ANO4: variants seen among roughly 807,000 people sequenced by gnomAD.
ANO4 encodes the protein anoctamin 4.
Under a neutral mutation model 141.9 loss-of-function variants are expected in ANO4, and 69 were observed. The ratio of observed to expected loss-of-function variants is 0.49; its 90% confidence interval spans 0.40 to 0.59. ANO4 has a LOEUF of 0.59. Among genes scored for constraint, ANO4 ranks in the 20% least tolerant of loss-of-function variants. The probability of loss-of-function intolerance (pLI) is 0.00; values close to 1 mark genes in which losing one functional copy is unlikely to be tolerated. For synonymous variants in ANO4, 350 were observed against 394.3 expected, an observed-to-expected ratio of 0.89 and a Z score of 1.33; for missense variants, 894 against 1,162.2, an observed-to-expected ratio of 0.77 and a Z score of 3.36.
At chr12:100,883,214 T>C (rs190566321) in intron 1 of ANO4, among the ~76,000 whole-genome samples, 1 of 152,352 alleles carries the variant, frequency 6.6e-6, no homozygotes, top group East Asian at 1.9e-4. Flanking sequence ...GAGAGTTTAC[T>C]TCAGTAGCTC....
At chr12:100,731,464 C>T (rs1360688546) in intron 1 of ANO4, among the ~76,000 whole-genome samples, 2 of 152,214 alleles carry the variant, frequency 1.3e-5, no homozygotes, top group Non-Finnish European at 2.9e-5. Flanking sequence ...ATATCTCCCA[C>T]TGGAGTGGTG....
intron 1 of ANO4, among the ~76,000 whole-genome samples, chr12:100,815,787 A>G (rs995068167): frequency 3.3e-5 from 5 of 151,900 alleles, no homozygotes; most frequent in African/African-American, 4.8e-5. Context: ...GTGTGAATTT[A>G]TGCATATGTA....
intron 6 of ANO4, 96 bp from the exon 7 acceptor site, chr12:100,974,749 C>G: frequency 7.6e-7 from 1 of 1,318,348 alleles, no homozygotes; most frequent in Non-Finnish European, 1.1e-6. Flanking sequence ...CTCTTACAGG[C>G]TTCTATCTTC....
intron 2 of ANO4, 150 bp from the exon 3 acceptor site, chr12:100,922,076 T>C: frequency 2.1e-6 from 1 of 480,958 alleles, no homozygotes; most frequent in Non-Finnish European, 3.5e-6. Context: ...CCTTTTTTTT[T>C]TTTTCTTAAG....
chr12:100,846,962 A>T (rs892765762), intron 1 of ANO4, among the ~76,000 whole-genome samples: 2 of 150,628 alleles, frequency 1.3e-5, no homozygotes, highest in African/African-American at 4.9e-5. Flanking sequence ...CCCAACTTCT[A>T]CTTAATTTTT....
chr12:101,100,462 T>C (rs2050147204), intron 22 of ANO4, among the ~76,000 whole-genome samples: 1 of 152,284 alleles, frequency 6.6e-6, no homozygotes, highest in Admixed American at 6.5e-5. Flanking sequence ...TATCTACTTA[T>C]GTCTTTAGAG....
intron 1 of ANO4, among the ~76,000 whole-genome samples, chr12:100,825,312 G>T (rs948158457): frequency 2.0e-5 from 3 of 151,982 alleles, no homozygotes; most frequent in Admixed American, 6.6e-5. Context: ...TTGAGGGACT[G>T]CTCTGGGCCT....
At chr12:100,729,830 A>G (rs1165594324) in intron 1 of ANO4, among the ~76,000 whole-genome samples, 1 of 152,196 alleles carries the variant, frequency 6.6e-6, no homozygotes. Flanking sequence ...AGTCTTTTCA[A>G]AATACTGCCA....
chr12:100,820,270 C>T (rs766367204), intron 1 of ANO4, among the ~76,000 whole-genome samples: 7 of 151,102 alleles, frequency 4.6e-5, no homozygotes, highest in Non-Finnish European at 8.8e-5. Context: ...CATTTTATTA[C>T]CAAGTAAACT....
intron 1 of ANO4, among the ~76,000 whole-genome samples, chr12:100,877,852 G>A (rs1453786921): frequency 2.6e-5 from 4 of 152,104 alleles, no homozygotes; most frequent in Non-Finnish European, 1.5e-5. Context: ...GCTAGTAATG[G>A]ACAGAGTTTG....
At chr12:100,946,939 A>G (rs909805093) in intron 5 of ANO4, among the ~76,000 whole-genome samples, 2 of 152,204 alleles carry the variant, frequency 1.3e-5, no homozygotes, top group African/African-American at 2.4e-5. Flanking sequence ...GGTGTGTACG[A>G]TCAAAGCTGA....
intron 1 of ANO4, among the ~76,000 whole-genome samples, chr12:100,861,471 A>G (rs532340879): frequency 3.9e-5 from 6 of 152,342 alleles, no homozygotes; most frequent in African/African-American, 1.4e-4. Flanking sequence ...GTACAGTAAA[A>G]ATACAGTATA....
intron 22 of ANO4, among the ~76,000 whole-genome samples, chr12:101,104,202 T>C (rs992705377): frequency 6.6e-6 from 1 of 152,032 alleles, no homozygotes; most frequent in Non-Finnish European, 1.5e-5. Context: ...GATTTTTCTC[T>C]ACTACACATT....
chr12:100,934,125 G>T (rs375475530), intron 3 of ANO4, among the ~76,000 whole-genome samples: 1 of 152,042 alleles, frequency 6.6e-6, no homozygotes, highest in African/African-American at 2.4e-5. Flanking sequence ...GTCTATTTTG[G>T]TTTTTGTTGC....
chr12:100,872,066 G>T (rs1171772373), intron 1 of ANO4, among the ~76,000 whole-genome samples: 1 of 152,142 alleles, frequency 6.6e-6, no homozygotes, highest in Non-Finnish European at 1.5e-5. Context: ...TTGTATCGAT[G>T]ATGCTGTTTT....
chr12:100,762,690 T>C (rs2135529785), intron 3 of ANO4, among the ~76,000 whole-genome samples: 1 of 152,260 alleles, frequency 6.6e-6, no homozygotes, highest in South Asian at 2.1e-4. Flanking sequence ...TCTCAGGCCC[T>C]TCCAGAACCT....
At chr12:100,944,068 A>T (rs1447219381) in intron 5 of ANO4, among the ~76,000 whole-genome samples, 1 of 152,244 alleles carries the variant, frequency 6.6e-6, no homozygotes, top group Admixed American at 6.5e-5. Context: ...TTTAAGCTTC[A>T]TAAGTATTCT....
At chr12:100,778,036 C>T (rs1396260423) in intron 3 of ANO4, among the ~76,000 whole-genome samples, 2 of 151,702 alleles carry the variant, frequency 1.3e-5, no homozygotes, top group African/African-American at 2.4e-5. Context: ...TCTCCTGCCT[C>T]AGCCTCCCGA....
chr12:100,860,648 A>G (rs895358831), intron 1 of ANO4, among the ~76,000 whole-genome samples: 3 of 152,188 alleles, frequency 2.0e-5, no homozygotes, highest in African/African-American at 7.2e-5. Context: ...CCCCAGGTTC[A>G]TTAATTCATT....
Sources: allele counts gnomAD v4.1 joint callset (sites outside exome capture counted in the v4.1 genomes callset), GRCh38; gene constraint gnomAD v4.1.1; transcripts MANE v1.5; gene names NCBI Gene and HGNC (gene_info 2026-07-23, HGNC 2026-07-21).